The following DMD variants were observed in gnomAD, a reference collection of about 807,000 sequenced individuals.
DMD encodes dystrophin.
Under a neutral mutation model 330.1 loss-of-function variants are expected in DMD, and 63 were observed. The observed-to-expected ratio is 0.19, with a 90% confidence interval of 0.16 to 0.24. The LOEUF is 0.24. DMD is among the 10% of genes least tolerant of loss of function. DMD has a pLI of 1.00. For missense variants in DMD, 3,344 were observed against 2,684.1 expected (o/e 1.25, Z -5.43); for synonymous variants, 1,223 against 959.8 (o/e 1.27, Z -5.07).
intron 44 of DMD, among the ~76,000 whole-genome samples, chrX:32,160,500 G>A (rs1023438281): frequency 6.3e-5 from 7 of 110,304 alleles, no homozygotes; most frequent in African/African-American, 2.0e-4. Context: ...ATCCCAAAGT[G>A]CTGAGATTAC....
At chrX:31,640,846 T>C (rs1290563253) in intron 54 of DMD, among the ~76,000 whole-genome samples, 1 of 112,080 alleles carries the variant, frequency 8.9e-6, no homozygotes, top group Non-Finnish European at 1.9e-5. Context: ...TTGCACACAC[T>C]ATGGGAAAAA....
intron 16 of DMD, among the ~76,000 whole-genome samples, chrX:32,555,700 A>G (rs1306752914): frequency 8.9e-6 from 1 of 111,742 alleles, no homozygotes; most frequent in Non-Finnish European, 1.9e-5. Context: ...CTGATCTTCG[A>G]CAAACCTGAA....
chrX:32,221,731 T>G (rs1016989950), intron 43 of DMD, among the ~76,000 whole-genome samples: 5 of 111,433 alleles, frequency 4.5e-5, no homozygotes, highest in African/African-American at 1.6e-4. Context: ...TTCTGAGTCT[T>G]CAAAGTCCAT....
At chrX:31,590,691 T>G (rs1011636194) in intron 55 of DMD, among the ~76,000 whole-genome samples, 1 of 111,178 alleles carries the variant, frequency 9.0e-6, no homozygotes, top group Admixed American at 9.6e-5. Context: ...ATGACTACAG[T>G]TTTTGCGCTT....
chrX:31,702,986 C>G (rs150924370), intron 52 of DMD, among the ~76,000 whole-genome samples: 2,922 of 109,105 alleles, frequency 0.027, 109 homozygotes, highest in African/African-American at 0.092. Context: ...TCCTGAGTAG[C>G]TGGGATTACA....
intron 7 of DMD, among the ~76,000 whole-genome samples, chrX:32,768,974 A>G (rs959475296): frequency 9.0e-6 from 1 of 111,653 alleles, no homozygotes; most frequent in Non-Finnish European, 1.9e-5. Flanking sequence ...CATATGCATC[A>G]CCTCTACCAC....
intron 30 of DMD, among the ~76,000 whole-genome samples, chrX:32,411,067 T>A (rs1324381694): frequency 8.9e-6 from 1 of 112,144 alleles, no homozygotes; most frequent in Non-Finnish European, 1.9e-5. Flanking sequence ...ATAGACCATG[T>A]GACTAAACGA....
At chrX:32,330,547 C>T (rs2097674013) in intron 41 of DMD, among the ~76,000 whole-genome samples, 1 of 111,794 alleles carries the variant, frequency 8.9e-6, no homozygotes, top group Non-Finnish European at 1.9e-5. Context: ...AGCTGGTGTT[C>T]CATATTTTCA....
Position 32,075,201 on chromosome X carries a change from G to A in DMD, c.6439-106687C>T, listed in dbSNP as rs747325929. 2.1e-4 allele frequency among the ~76,000 whole-genome samples: 23 copies of A among 112,051 alleles called. No individual in the cohort carries two copies. In the South Asian group the frequency reaches 5.6e-3, roughly 27 times the overall value. On this transcript the variant is annotated intron_variant, in intron 44 of 78. Transcript: ENST00000357033. The stretch of plus-strand genomic sequence containing the variant: ...GTAAGTGATAATGGTAAGTAAATAT[G>A]TATTCTCTCTGCCATCCTAAAAACA...
intron 41 of DMD, among the ~76,000 whole-genome samples, chrX:32,335,866 A>G (rs2097708611): frequency 9.5e-6 from 1 of 105,563 alleles, no homozygotes; most frequent in South Asian, 3.9e-4. Context: ...ATTCAACGTT[A>G]TATGTGTATA....
chrX:31,252,506 T>C (rs1037593429), intron 63 of DMD, among the ~76,000 whole-genome samples: 16 of 111,338 alleles, frequency 1.4e-4, no homozygotes, highest in African/African-American at 5.2e-4. Context: ...AAGGGAAAAG[T>C]TGCCCCATCC....
intron 2 of DMD, among the ~76,000 whole-genome samples, chrX:33,015,573 A>G (rs913600483): frequency 9.1e-6 from 1 of 110,479 alleles, no homozygotes; most frequent in Non-Finnish European, 1.9e-5. Context: ...ACTAGGCCTA[A>G]TATCTGGGTG....
intron 9 of DMD, among the ~76,000 whole-genome samples, chrX:32,693,385 G>C (rs1323438731): frequency 8.9e-6 from 1 of 112,154 alleles, no homozygotes; most frequent in East Asian, 2.8e-4. Flanking sequence ...CACATGATTA[G>C]TTATCAGGAT....
chrX:32,571,032 C>A (rs1391721357), intron 15 of DMD, among the ~76,000 whole-genome samples: 1 of 111,755 alleles, frequency 8.9e-6, no homozygotes, highest in Non-Finnish European at 1.9e-5. Flanking sequence ...CTTGGTGTTT[C>A]TCCATGAGGA....
At chrX:31,267,119 G>A (rs2051241596) in intron 62 of DMD, among the ~76,000 whole-genome samples, 1 of 110,212 alleles carries the variant, frequency 9.1e-6, no homozygotes, top group Non-Finnish European at 1.9e-5. Flanking sequence ...AAGAAAGAAA[G>A]AAAGAAAGAA....
chrX:31,714,400 C>G (rs1308641572), intron 52 of DMD, among the ~76,000 whole-genome samples: 1 of 111,954 alleles, frequency 8.9e-6, no homozygotes, highest in Non-Finnish European at 1.9e-5. Flanking sequence ...AAATAAGGAT[C>G]TGTCCAATTT....
At chrX:32,056,639 C>A (rs1320246647) in intron 44 of DMD, among the ~76,000 whole-genome samples, 1 of 110,404 alleles carries the variant, frequency 9.1e-6, no homozygotes, top group Non-Finnish European at 1.9e-5. Context: ...CCAAAACCTT[C>A]CAACAAAGAA....
At chrX:33,313,866 C>T (rs967144167) in intron 1 of DMD, among the ~76,000 whole-genome samples, 2 of 111,259 alleles carry the variant, frequency 1.8e-5, no homozygotes, top group Admixed American at 1.9e-4. Flanking sequence ...ACCTAGATAT[C>T]CATCTGCCTT....
chrX:31,251,852 T>C (rs780654086), intron 63 of DMD, among the ~76,000 whole-genome samples: 2 of 112,652 alleles, frequency 1.8e-5, no homozygotes, highest in Non-Finnish European at 3.7e-5. Flanking sequence ...ATCCAGCACT[T>C]TTCTTCTAGC....
Sources: allele counts gnomAD v4.1 joint callset (sites outside exome capture counted in the v4.1 genomes callset), GRCh38; gene constraint gnomAD v4.1.1; transcripts MANE v1.5; gene names NCBI Gene and HGNC (gene_info 2026-07-23, HGNC 2026-07-21).